TAF3: variants seen among roughly 807,000 people sequenced by gnomAD.
TAF3 encodes the protein TATA-box binding protein associated factor 3, also known as transcription initiation factor TFIID subunit 3.
A neutral mutation model predicts 80.6 loss-of-function variants in TAF3; 7 were observed. The observed-to-expected ratio is 0.09, with a 90% CI of 0.05 to 0.16. TAF3 has a LOEUF of 0.16. TAF3 is among the 10% of genes least tolerant of loss of function. The pLI, the probability that TAF3 is intolerant of heterozygous loss-of-function variation, is 1.00. For missense variants in TAF3, 921 were observed against 1,140.2 expected, an observed-to-expected ratio of 0.81 and a Z score of 2.77; for synonymous variants, 444 against 446.1, an observed-to-expected ratio of 1.00 and a Z score of 0.06.
chr10:7,928,166 A>T (rs562798645), intron 2 of TAF3, among the ~76,000 whole-genome samples: 2 of 152,212 alleles, frequency 1.3e-5, no homozygotes, highest in Non-Finnish European at 2.9e-5. Flanking sequence ...ACCTTCCGCA[A>T]TGAAAGGACA....
At chr10:7,831,928 G>A (rs1273722054) in intron 2 of TAF3, among the ~76,000 whole-genome samples, 3 of 145,248 alleles carry the variant, frequency 2.1e-5, no homozygotes, top group East Asian at 2.6e-4. Context: ...GGTTACATTT[G>A]TATATATCTG....
intron 2 of TAF3, among the ~76,000 whole-genome samples, chr10:7,942,912 T>C (rs1837989577): frequency 6.6e-6 from 1 of 152,262 alleles, no homozygotes; most frequent in Non-Finnish European, 1.5e-5. Flanking sequence ...GGATTTCAGC[T>C]GTAGGCTGTC....
intron 1 of TAF3, among the ~76,000 whole-genome samples, chr10:7,819,365 T>A (rs1836666947): frequency 6.6e-6 from 1 of 152,212 alleles, no homozygotes; most frequent in African/African-American, 2.4e-5. Context: ...TCTGCTCCGT[T>A]AGGGACACTG....
chr10:7,991,590 A>G (rs1831834333), intron 4 of TAF3, among the ~76,000 whole-genome samples: 1 of 152,180 alleles, frequency 6.6e-6, no homozygotes, highest in African/African-American at 2.4e-5. Context: ...TGTGATATAG[A>G]TTTATACACA....
At chr10:7,997,385 C>T (rs1187156237) in intron 4 of TAF3, among the ~76,000 whole-genome samples, 1 of 152,248 alleles carries the variant, frequency 6.6e-6, no homozygotes, top group African/African-American at 2.4e-5. Context: ...TAATGAGGAT[C>T]ATTAAACTTC....
chr10:7,921,062 A>C (rs932231831), intron 2 of TAF3, among the ~76,000 whole-genome samples: 5 of 151,950 alleles, frequency 3.3e-5, no homozygotes, highest in Admixed American at 3.3e-4. Context: ...TCTAGGCCAG[A>C]AGCTGTCTCA....
At chr10:7,900,222 T>G (rs954991377) in intron 2 of TAF3, among the ~76,000 whole-genome samples, 3 of 152,234 alleles carry the variant, frequency 2.0e-5, no homozygotes, top group African/African-American at 7.2e-5. Context: ...TCTCTGTTAT[T>G]TCTTATTGCC....
At chr10:7,936,607 C>T (rs1053304080) in intron 2 of TAF3, among the ~76,000 whole-genome samples, 9 of 152,006 alleles carry the variant, frequency 5.9e-5, no homozygotes, top group Non-Finnish European at 1.3e-4. Flanking sequence ...CTGCTCCCTC[C>T]ACAGCCTCCC....
At chr10:7,829,029 C>CAAA (rs59969868) in intron 2 of TAF3, among the ~76,000 whole-genome samples, 16 of 66,832 alleles carry the variant, frequency 2.4e-4, no homozygotes, top group Admixed American at 4.9e-4. Flanking sequence ...GACTCCGTCT[C>CAAA]AAAAAAAAAA....
At chr10:7,893,324 G>T (rs749385714) in intron 2 of TAF3, among the ~76,000 whole-genome samples, 26 of 152,150 alleles carry the variant, frequency 1.7e-4, no homozygotes, top group Non-Finnish European at 2.1e-4. Flanking sequence ...GCCTAATAGA[G>T]AAACTTTTTT....
chr10:7,882,930 T>A (rs898999300), intron 2 of TAF3, among the ~76,000 whole-genome samples: 4 of 152,246 alleles, frequency 2.6e-5, no homozygotes, highest in South Asian at 2.1e-4. Context: ...AGATACATGT[T>A]ATTTTTTGTT....
intron 3 of TAF3, among the ~76,000 whole-genome samples, chr10:7,970,139 G>C (rs1247473482): frequency 6.6e-6 from 1 of 152,174 alleles, no homozygotes; most frequent in African/African-American, 2.4e-5. Flanking sequence ...CAATAGTGTT[G>C]ATGATCAACC....
intron 2 of TAF3, among the ~76,000 whole-genome samples, chr10:7,944,291 C>T (rs1032554879): frequency 4.6e-5 from 7 of 152,144 alleles, no homozygotes; most frequent in Admixed American, 6.5e-5. Context: ...TTAGATGGAA[C>T]AGCCATCCCC....
At chr10:7,875,423 A>G (rs1184420408) in intron 2 of TAF3, among the ~76,000 whole-genome samples, 2 of 152,260 alleles carry the variant, frequency 1.3e-5, no homozygotes, top group African/African-American at 4.8e-5. Flanking sequence ...TTTCCTCAAC[A>G]TTAGGTCAAT....
At chr10:7,885,205 C>T (rs1837398016) in intron 2 of TAF3, among the ~76,000 whole-genome samples, 1 of 151,378 alleles carries the variant, frequency 6.6e-6, no homozygotes, top group Admixed American at 6.6e-5. Flanking sequence ...GAATTGCATA[C>T]TTAAAAATAT....
chr10:7,882,389 C>T (rs1283884683), intron 2 of TAF3, among the ~76,000 whole-genome samples: 1 of 152,028 alleles, frequency 6.6e-6, no homozygotes, highest in Non-Finnish European at 1.5e-5. Flanking sequence ...AGTCCATCTA[C>T]CTCATTTTAT....
chr10:7,954,112 C>G (rs1218719489), intron 2 of TAF3, among the ~76,000 whole-genome samples: 1 of 133,992 alleles, frequency 7.5e-6, no homozygotes, highest in East Asian at 2.5e-4. Context: ...AGAGTGCACT[C>G]CATAGGTGAA....
intron 2 of TAF3, among the ~76,000 whole-genome samples, chr10:7,874,927 T>G (rs2131149098): frequency 6.6e-6 from 1 of 152,288 alleles, no homozygotes; most frequent in Non-Finnish European, 1.5e-5. Context: ...AAATCCTTTC[T>G]AAACTTTTTA....
At chr10:7,838,555 T>C (rs1224339916) in intron 2 of TAF3, among the ~76,000 whole-genome samples, 1 of 152,104 alleles carries the variant, frequency 6.6e-6, no homozygotes, top group East Asian at 1.9e-4. Context: ...CTAATTTTTG[T>C]AATTTTTGTA....
Sources: allele counts gnomAD v4.1 joint callset (sites outside exome capture counted in the v4.1 genomes callset), GRCh38; gene constraint gnomAD v4.1.1; transcripts MANE v1.5; gene names NCBI Gene and HGNC (gene_info 2026-07-23, HGNC 2026-07-21).